POU6F2: variants seen among roughly 807,000 people sequenced by gnomAD.
POU6F2 encodes POU class 6 homeobox 2.
Under a neutral mutation model 71.3 loss-of-function variants are expected in POU6F2, and 31 were observed. That is an observed-to-expected ratio of 0.43 (90% CI 0.33 to 0.59). The LOEUF is 0.59. Ranked by LOEUF, POU6F2 falls within the 20% of genes least tolerant of loss-of-function variation. The pLI is 0.04. For missense variants in POU6F2, 783 were observed against 856.8 expected (o/e 0.91, Z 1.07); for synonymous variants, 347 against 355.7 (o/e 0.98, Z 0.27).
intron 5 of POU6F2, among the ~76,000 whole-genome samples, chr7:39,390,672 G>A (rs940626054): frequency 6.6e-6 from 1 of 152,094 alleles, no homozygotes; most frequent in African/African-American, 2.4e-5. Flanking sequence ...TAGTGCATTC[G>A]TTAAATCGGC....
In POU6F2 at chr7:39,467,198, T is replaced by C. The variant is rs1488785816; in HGVS notation, c.*2512T>C. 2 of 152,204 alleles carry C rather than the reference T, an allele frequency of 1.3e-5. No homozygotes were observed. Among genetic ancestry groups the C allele is most frequent in the African/African-American group, 4.8e-5 (2 of 41,456 alleles). The allele number at this position is 152,204 out of a possible 1,614,324, so 9.4% of individuals were successfully genotyped here. A position where few individuals can be genotyped will look rare whatever the true frequency, so the allele number is the denominator to read the frequency against. On this transcript the variant is annotated 3_prime_UTR_variant, in exon 10 of 10. Transcript: ENST00000518318. ...TTTTTTATAGTTTTATAATTTTGTATTGTTTTATAAATTATTTATAAGGTG... is the reference window on the plus strand; with the variant it reads ...TTTTTTATAGTTTTATAATTTTGTACTGTTTTATAAATTATTTATAAGGTG...
At chr7:39,231,837 A>C (rs1794582226) in intron 4 of POU6F2, among the ~76,000 whole-genome samples, 1 of 152,200 alleles carries the variant, frequency 6.6e-6, no homozygotes, top group Admixed American at 6.5e-5. Flanking sequence ...TATTGTATTT[A>C]TCTACTAAAA....
At chr7:39,029,836 C>A (rs1298744533) in intron 1 of POU6F2, among the ~76,000 whole-genome samples, 1 of 151,860 alleles carries the variant, frequency 6.6e-6, no homozygotes, top group Non-Finnish European at 1.5e-5. Flanking sequence ...TATTAAATGG[C>A]ATTTATAGAT....
intron 2 of POU6F2, among the ~76,000 whole-genome samples, chr7:39,146,498 T>C (rs537037283): frequency 6.6e-6 from 1 of 152,248 alleles, no homozygotes; most frequent in Non-Finnish European, 1.5e-5. Flanking sequence ...AAAGATAAAA[T>C]GAAGTTCTGG....
chr7:39,009,415 A>G (rs1240871632), intron 1 of POU6F2, among the ~76,000 whole-genome samples: 1 of 152,088 alleles, frequency 6.6e-6, no homozygotes, highest in Non-Finnish European at 1.5e-5. Flanking sequence ...GCTGAAGGAG[A>G]TTTTGGGCTG....
At chr7:39,371,561 T>C (rs539132742) in intron 5 of POU6F2, among the ~76,000 whole-genome samples, 7 of 152,290 alleles carry the variant, frequency 4.6e-5, no homozygotes, top group Non-Finnish European at 5.9e-5. Flanking sequence ...CCTTTACCCC[T>C]GACTGCTCTA....
chr7:39,067,461 CATT>C (rs1482308155), intron 1 of POU6F2, among the ~76,000 whole-genome samples: 5 of 151,720 alleles, frequency 3.3e-5, no homozygotes, highest in Non-Finnish European at 7.4e-5. Context: ...TAAAAACTAA[CATT>C]AATAAAAATC....
chr7:39,283,160 T>G lies in POU6F2; in HGVS notation c.599-56482T>G, dbSNP rs1033939744. Among the ~76,000 whole-genome samples, 65 of 152,164 alleles carry G rather than the reference T, an allele frequency of 4.3e-4. 1 individual carries two copies. The highest frequency in any genetic ancestry group is 1.5e-3 in the Admixed American group (23 of 15,276). ...CTGCAACTTTACTGGATTCATTTAT[T>G]AGTTTTAAAGGATTTTTGGTGGAGT... On this transcript the variant is annotated intron_variant, in intron 4 of 9. Coordinates refer to ENST00000518318, the MANE Select transcript of POU6F2 (RefSeq NM_001370959.1).
intron 4 of POU6F2, among the ~76,000 whole-genome samples, chr7:39,247,862 C>T (rs964634485): frequency 6.6e-6 from 1 of 152,194 alleles, no homozygotes; most frequent in Non-Finnish European, 1.5e-5. Context: ...CCTGTCAGAG[C>T]CTGGAAGTTT....
At chr7:39,215,674 G>A (rs1196243426) in intron 4 of POU6F2, among the ~76,000 whole-genome samples, 1 of 152,192 alleles carries the variant, frequency 6.6e-6, no homozygotes, top group African/African-American at 2.4e-5. Flanking sequence ...CTGGGGGAGT[G>A]AAGTAGATGG....
At chr7:39,203,634 T>TG (rs1299472270) in intron 2 of POU6F2, among the ~76,000 whole-genome samples, 1 of 152,230 alleles carries the variant, frequency 6.6e-6, no homozygotes, top group East Asian at 1.9e-4. Context: ...GTGCTTAGCA[T>TG]GGCGGAGCTC....
At chr7:38,983,751 C>A (rs559876315) in intron 1 of POU6F2, among the ~76,000 whole-genome samples, 3 of 152,002 alleles carry the variant, frequency 2.0e-5, no homozygotes, top group Non-Finnish European at 2.9e-5. Flanking sequence ...TTTTCCACAC[C>A]CCACTTATAA....
intron 2 of POU6F2, among the ~76,000 whole-genome samples, chr7:39,130,066 C>CAAAAAAAAAAAAAAAAAAAAAAAAAAAA (rs572365688): frequency 2.2e-5 from 1 of 44,546 alleles, no homozygotes; most frequent in African/African-American, 7.2e-5. Flanking sequence ...GACTCCATCT[C>CAAAAAAAAAAAAAAAAAAAAAAAAAAAA]AAAAAAAAAA....
At chr7:39,060,064 C>T (rs1341740011) in intron 1 of POU6F2, among the ~76,000 whole-genome samples, 2 of 151,934 alleles carry the variant, frequency 1.3e-5, no homozygotes, top group African/African-American at 2.4e-5. Flanking sequence ...AAAAATTAGC[C>T]GGGCGCGGTG....
intron 1 of POU6F2, among the ~76,000 whole-genome samples, chr7:39,039,817 G>A (rs886650648): frequency 6.6e-6 from 1 of 150,886 alleles, no homozygotes; most frequent in Non-Finnish European, 1.5e-5. Context: ...TAGGTGGAGA[G>A]TGCATTTGGA....
intron 2 of POU6F2, among the ~76,000 whole-genome samples, chr7:39,174,320 C>A (rs1054636517): frequency 1.3e-5 from 2 of 152,158 alleles, no homozygotes; most frequent in African/African-American, 4.8e-5. Flanking sequence ...TTGTTGAATT[C>A]TTGTTGGTTG....
At chr7:39,295,023 G>A (rs966371163) in intron 4 of POU6F2, among the ~76,000 whole-genome samples, 8 of 152,240 alleles carry the variant, frequency 5.3e-5, no homozygotes, top group South Asian at 2.1e-4. Flanking sequence ...TGGATTCAGA[G>A]AAACAGATTA....
intron 5 of POU6F2, among the ~76,000 whole-genome samples, chr7:39,359,939 G>A (rs1786341563): frequency 6.6e-6 from 1 of 152,136 alleles, no homozygotes; most frequent in South Asian, 2.1e-4. Context: ...CAGAAAATGA[G>A]GTTGTTGGCA....
At chr7:39,300,257 C>T (rs1784928330) in intron 4 of POU6F2, among the ~76,000 whole-genome samples, 1 of 152,168 alleles carries the variant, frequency 6.6e-6, no homozygotes, top group Admixed American at 6.5e-5. Flanking sequence ...ATAACTAGAA[C>T]TAAAGTGGAA....
Sources: gnomAD v4.1 joint callset for allele counts (sites outside exome capture counted in the v4.1 genomes callset) on GRCh38, gnomAD v4.1.1 for gene constraint, MANE v1.5 for transcripts, NCBI Gene and HGNC (gene_info 2026-07-23, HGNC 2026-07-21) for gene names.